ADAT1: variants seen among roughly 807,000 people sequenced by gnomAD.
ADAT1 encodes the protein tRNA-specific adenosine deaminase 1.
ADAT1 carries 58 observed loss-of-function variants against 58.6 expected under a neutral mutation model. The ratio of observed to expected loss-of-function variants is 0.99; its 90% CI spans 0.80 to 1.23. ADAT1 has a LOEUF of 1.23. ADAT1 is among the 50% of genes most tolerant of loss of function. The pLI, the probability that ADAT1 is intolerant of heterozygous loss-of-function variation, is 0.00. For missense variants in ADAT1, 741 were observed against 608.6 expected, an observed-to-expected ratio of 1.22 and a Z score of -2.29; for synonymous variants, 254 against 220.8, an observed-to-expected ratio of 1.15 and a Z score of -1.33.
intron 9 of ADAT1, 48 bp downstream of exon 9, chr16:75,603,037 A>C (rs1290111522): frequency 1.3e-6 from 2 of 1,561,424 alleles, no homozygotes; most frequent in Admixed American, 3.4e-5. Flanking sequence ...GCCAGAATCA[A>C]AACAGTTGTC....
chr16:75,618,827 T>A, intron 3 of ADAT1, 187 bp from the exon 4 acceptor site: 1 of 599,828 alleles, frequency 1.7e-6, no homozygotes, highest in Non-Finnish European at 2.8e-6. Context: ...CCCAGCACTG[T>A]AGACATTTTG....
chr16:75,617,556 C>T (rs2081773943), intron 4 of ADAT1, among the ~76,000 whole-genome samples: 1 of 151,894 alleles, frequency 6.6e-6, no homozygotes, highest in Non-Finnish European at 1.5e-5. Flanking sequence ...ACTGCTTAAG[C>T]CCAGGAGTTT....
chr16:75,611,790 G>C lies in ADAT1; in HGVS notation c.1043+453C>G, dbSNP rs185883321. ...AAAAAATTATTAGCCGGGCGCGGTG[G>C]CTCACACCTGTAATCCCAGCACTTT... On this transcript the variant is annotated intron_variant, in intron 6 of 9. Transcript: ENST00000564657. Among the ~76,000 whole-genome samples the C allele has an allele frequency of 7.0e-3, 1,066 of 152,096 alleles. 11 individuals carry two copies. Among genetic ancestry groups the C allele is most frequent in the African/African-American group, 0.024 (994 of 41,518 alleles).
chr16:75,600,439 T>C (rs947349191), intron 9 of ADAT1, 91 bp from the exon 10 acceptor site: 14 of 1,551,318 alleles, frequency 9.0e-6, no homozygotes, highest in Middle Eastern at 2.4e-4. Flanking sequence ...CTGGACAGAC[T>C]TGTAATGAGA....
chr16:75,617,576 G>A (rs1259098716), intron 4 of ADAT1, among the ~76,000 whole-genome samples: 2 of 151,784 alleles, frequency 1.3e-5, no homozygotes, highest in Admixed American at 6.6e-5. Context: ...TGAGGCTGTA[G>A]TGAGCTATGA....
At chr16:75,609,572 G>A (rs558436201) in intron 6 of ADAT1, among the ~76,000 whole-genome samples, 2 of 152,204 alleles carry the variant, frequency 1.3e-5, no homozygotes, top group African/African-American at 4.8e-5. Context: ...CTCATTTAAA[G>A]TGGATAATTC....
chr16:75,615,480 TAAAAAAAAAAAAAAA>T (rs56149357), intron 5 of ADAT1, among the ~76,000 whole-genome samples: 3,229 of 32,968 alleles, frequency 0.098, 166 homozygotes, highest in African/African-American at 0.32. Flanking sequence ...GTTGATGAGC[TAAAAAAAAAAAAAAA>T]AAAAAAAAAA....
intron 3 of ADAT1, among the ~76,000 whole-genome samples, chr16:75,620,042 T>C (rs997398056): frequency 3.3e-5 from 5 of 152,170 alleles, no homozygotes; most frequent in Non-Finnish European, 5.9e-5. Flanking sequence ...ATGAAAATAC[T>C]GGTTAACTTT....
rs1392493562 is a variant in ADAT1, at chr16:75,622,544, C to CT, written c.-164dup. Reference sequence around the variant, plus strand: ...AGTTGCCAGAAGAAACAGTGACTCTCTTTAAGATGAAGCAGCCCAGAACGG... The same window carrying CT: ...AGTTGCCAGAAGAAACAGTGACTCTCTTTTAAGATGAAGCAGCCCAGAACGG... On this transcript the variant is annotated 5_prime_UTR_variant, in exon 1 of 10. Transcript: ENST00000564657. 1 of 152,022 alleles carries CT rather than the reference C, an allele frequency of 6.6e-6. No individual in the cohort carries two copies. Among genetic ancestry groups the CT allele is most frequent in the Non-Finnish European group, 1.5e-5 (1 of 68,006 alleles). The allele number at this position is 152,022 out of a possible 1,614,324, so 9.4% of individuals were successfully genotyped here.
chr16:75,616,771 G>C (rs1862526246), intron 5 of ADAT1, among the ~76,000 whole-genome samples: 1 of 152,208 alleles, frequency 6.6e-6, no homozygotes, highest in Non-Finnish European at 1.5e-5. Context: ...ATAGTAGAAA[G>C]TATTTGTTCA....
At position 75,608,873 on chromosome 16, in the gene ADAT1, T is replaced by C; in HGVS notation, c.1159A>G (p.Ser387Gly). The change falls in exon 7 of 10, where the codon AGC becomes GGC. Residue 387 changes from serine to glycine, a missense_variant. Coordinates refer to ENST00000564657, the MANE Select transcript of ADAT1 (RefSeq NM_001324445.2). Reference protein sequence around the residue: ...RSAVQAKRADSPGRLVPCGAA... With the variant: ...RSAVQAKRADGPGRLVPCGAA... Reference sequence around the variant, plus strand: ...CCACAAGGAACAAGTCGACCTGGGCTATCAGCCCTTTTTGCCTGCACCGCA... The same window carrying C: ...CCACAAGGAACAAGTCGACCTGGGCCATCAGCCCTTTTTGCCTGCACCGCA... 1.2e-6 allele frequency: 2 copies of C among 1,614,156 alleles called. No individual in the cohort carries two copies. The highest frequency in any genetic ancestry group is 1.7e-6 in the Non-Finnish European group (2 of 1,180,020).
chr16:75,602,773 T>A (rs1057176556), intron 9 of ADAT1, among the ~76,000 whole-genome samples: 5 of 152,198 alleles, frequency 3.3e-5, no homozygotes, highest in African/African-American at 1.2e-4. Flanking sequence ...CAGAATATAT[T>A]GCTCTTAGAG....
intron 5 of ADAT1, among the ~76,000 whole-genome samples, chr16:75,614,987 G>A (rs989157493): frequency 6.6e-6 from 1 of 152,078 alleles, no homozygotes; most frequent in Admixed American, 6.5e-5. Context: ...CACTTTGGGA[G>A]GCCGAGGTGG....
At chr16:75,620,374 G>C in intron 2 of ADAT1, 40 bp from the exon 3 acceptor site, 2 of 1,605,360 alleles carry the variant, frequency 1.2e-6, no homozygotes, top group Non-Finnish European at 1.7e-6. Context: ...CTGAGAAACG[G>C]AATGTTCCCC....
intron 5 of ADAT1, among the ~76,000 whole-genome samples, chr16:75,615,480 TAAAAAAAAAAAAAAAAAAAAA>T (rs56149357): frequency 2.1e-4 from 7 of 32,948 alleles, no homozygotes; most frequent in Non-Finnish European, 3.6e-4. Context: ...GTTGATGAGC[TAAAAAAAAAAAAAAAAAAAAA>T]AAAAAAAAAA....
At chr16:75,618,502 TCC>T in intron 4 of ADAT1, 82 bp downstream of exon 4, 1 of 813,172 alleles carries the variant, frequency 1.2e-6, no homozygotes, top group Non-Finnish European at 1.7e-6. Flanking sequence ...CAAGACTCTG[TCC>T]CCCCCAAAAA....
intron 8 of ADAT1, among the ~76,000 whole-genome samples, chr16:75,604,432 CAAAA>C (rs869079388): frequency 2.6e-3 from 21 of 7,930 alleles, no homozygotes; most frequent in African/African-American, 6.5e-3. Context: ...GATTCTGTCT[CAAAA>C]AAAAAAAAAA....
intron 6 of ADAT1, 124 bp from the exon 7 acceptor site, chr16:75,609,112 C>G (rs1405270859): frequency 8.7e-7 from 1 of 1,147,716 alleles, no homozygotes; most frequent in Non-Finnish European, 1.2e-6. Context: ...TTTATTTGGG[C>G]AGACAGTGTT....
At chr16:75,605,292 T>G (rs763469777) in intron 8 of ADAT1, among the ~76,000 whole-genome samples, 1 of 152,138 alleles carries the variant, frequency 6.6e-6, no homozygotes, top group Admixed American at 6.5e-5. Flanking sequence ...TTTCGCCATG[T>G]TGGCCACACT....
Sources: allele counts gnomAD v4.1 joint callset (sites outside exome capture counted in the v4.1 genomes callset), GRCh38; gene constraint gnomAD v4.1.1; transcripts MANE v1.5; gene names NCBI Gene and HGNC (gene_info 2026-07-23, HGNC 2026-07-21).